Variants in NDUFA7 observed in about 807,000 individuals in gnomAD.
NDUFA7 encodes the protein NADH:ubiquinone oxidoreductase subunit A7.
Under a neutral mutation model 14.2 loss-of-function variants are expected in NDUFA7, and 18 were observed. That is an observed-to-expected ratio of 1.27 (90% CI 0.88 to 1.88). NDUFA7 has a LOEUF of 1.88. Ranked by LOEUF, NDUFA7 falls within the 40% of genes most tolerant of loss-of-function variation. The probability of loss-of-function intolerance (pLI) is 0.00; values close to 1 mark genes in which losing one functional copy is unlikely to be tolerated. For missense variants in NDUFA7, 172 were observed against 147.3 expected, an observed-to-expected ratio of 1.17 and a Z score of -0.87; for synonymous variants, 75 against 62.1, an observed-to-expected ratio of 1.21 and a Z score of -0.98.
chr19:8,311,523 C>T lies in NDUFA7; in HGVS notation c.324G>A (p.Ser108=), dbSNP rs200078460. 351 of 1,611,246 alleles carry T rather than the reference C, an allele frequency of 2.2e-4. 1 individual carries two copies. The highest frequency in any genetic ancestry group is 2.6e-4 in the Non-Finnish European group (305 of 1,178,648). The change falls in exon 4 of 4, where the codon TCG becomes TCA. Residue 108 remains serine (S), a synonymous_variant. Transcript: ENST00000301457. ...TGCAGTGTCACAGGTAAGGCTGGTC[C>T]GAGGACAGCTCCCACCTCTTTATGG... The part of the protein sequence containing the change: ...APPIKRWELS[S]DQPYL
chr19:8,313,868 C>T (rs1462716616), intron 3 of NDUFA7, among the ~76,000 whole-genome samples: 1 of 152,230 alleles, frequency 6.6e-6, no homozygotes, highest in Non-Finnish European at 1.5e-5. Context: ...CTGTGCCAGG[C>T]TCCAAGAGTT....
chr19:8,310,058 G>A (rs1970156739), downstream of NDUFA7, among the ~76,000 whole-genome samples: 1 of 152,198 alleles, frequency 6.6e-6, no homozygotes, highest in South Asian at 2.1e-4. Flanking sequence ...GCTGCAGGGT[G>A]ACCATGGTCA....
chr19:8,320,867 TCTC>T lies in NDUFA7; in HGVS notation c.88_90del (p.Glu30del), dbSNP rs1970296074. 3.7e-6 allele frequency: 6 copies of T among 1,613,458 alleles called. No individual in the cohort carries two copies. The highest frequency in any genetic ancestry group is 3.3e-5 in the South Asian group (3 of 91,062). ...GCGGGGCCTGCTCACCGCTTGGAGA[TCTC>T]CTGGTAGCGTAGCTGCAGCTTCCCC... is the stretch of plus-strand genomic sequence containing the variant. On this transcript the variant is annotated inframe_deletion, in exon 2 of 4. Coordinates refer to ENST00000301457, the MANE Select transcript of NDUFA7 (RefSeq NM_005001.5).
In NDUFA7 at chr19:8,316,664, A is replaced by G. The variant is rs1408239365; in HGVS notation, c.102-19T>C. The G allele has an allele frequency of 4.3e-6, 7 of 1,612,438 alleles. No homozygotes were observed. The highest frequency in any genetic ancestry group is 5.9e-6 in the Non-Finnish European group (7 of 1,178,764). On this transcript the variant is annotated intron_variant, in intron 2 of 3. Transcript: ENST00000301457. ...CTGAGTTCTGAGGGGAAAAAAGATG[A>G]GCACTGAAGCAAAGAGACAGTCACT...
At chr19:8,320,823 G>C (rs765794283) in intron 2 of NDUFA7, 34 bp downstream of exon 2, 48 of 1,613,222 alleles carry the variant, frequency 3.0e-5, no homozygotes, top group Non-Finnish European at 4.1e-5. Context: ...AAAGGACAGA[G>C]CCAGAGGCTG....
At position 8,311,448 on chromosome 19, in the gene NDUFA7, T is replaced by G. The variant is rs1970175307; in HGVS notation, c.*57A>C. Reference sequence around the variant, plus strand: ...GTATTTGTCATAAATTAGGTCACATTCTCCCTGGAGGAAATCCAAGGAGGC... The same window carrying G: ...GTATTTGTCATAAATTAGGTCACATGCTCCCTGGAGGAAATCCAAGGAGGC... On this transcript the variant is annotated 3_prime_UTR_variant, in exon 4 of 4. Coordinates refer to ENST00000301457, the MANE Select transcript of NDUFA7 (RefSeq NM_005001.5). The G allele has an allele frequency of 2.9e-6, 4 of 1,368,270 alleles. No homozygotes were observed. In the South Asian group the frequency reaches 5.1e-5, roughly 17 times the overall value. The allele number at this position is 1,368,270 out of a possible 1,614,324, so 84.8% of individuals were successfully genotyped here. A position where few individuals can be genotyped will look rare whatever the true frequency, so the allele number is the denominator to read the frequency against.
At chr19:8,315,559 G>A (rs967712220) in intron 3 of NDUFA7, among the ~76,000 whole-genome samples, 2 of 152,218 alleles carry the variant, frequency 1.3e-5, no homozygotes, top group African/African-American at 2.4e-5. Flanking sequence ...TTTTGTTCAC[G>A]TGTTTACCTG....
chr19:8,319,118 T>C (rs1458242574), intron 2 of NDUFA7, among the ~76,000 whole-genome samples: 1 of 143,290 alleles, frequency 7.0e-6, no homozygotes, highest in East Asian at 2.1e-4. Flanking sequence ...GGGTCGGGGG[T>C]TGGGGGGGAG....
intron 2 of NDUFA7, among the ~76,000 whole-genome samples, chr19:8,317,556 GGAGGA>G (rs1423161600): frequency 6.6e-6 from 1 of 152,114 alleles, no homozygotes; most frequent in East Asian, 1.9e-4. Context: ...CCAGAGAGAG[GGAGGA>G]GAGAAGACAG....
chr19:8,318,926 C>T (rs1227530789), intron 2 of NDUFA7, among the ~76,000 whole-genome samples: 1 of 148,700 alleles, frequency 6.7e-6, no homozygotes, highest in Non-Finnish European at 1.5e-5. Context: ...ATCTCAGATC[C>T]GCCACTGCAC....
At chr19:8,320,168 A>G (rs1970285205) in intron 2 of NDUFA7, among the ~76,000 whole-genome samples, 1 of 152,142 alleles carries the variant, frequency 6.6e-6, no homozygotes. Context: ...TGTTTTTTCA[A>G]TAATTATTCT....
At chr19:8,312,891 C>T (rs1342580751) in intron 3 of NDUFA7, among the ~76,000 whole-genome samples, 4 of 152,130 alleles carry the variant, frequency 2.6e-5, no homozygotes, top group African/African-American at 9.7e-5. Flanking sequence ...TCTTGAACTT[C>T]TGGGCTCAAG....
chr19:8,316,390 C>T, intron 3 of NDUFA7, 106 bp downstream of exon 3: 1 of 1,477,358 alleles, frequency 6.8e-7, no homozygotes, highest in Non-Finnish European at 9.1e-7. Flanking sequence ...GCAACTGATG[C>T]TTACTAAGTA....
chr19:8,311,006 A>G (rs1205944370), downstream of NDUFA7, among the ~76,000 whole-genome samples: 2 of 151,512 alleles, frequency 1.3e-5, no homozygotes, highest in African/African-American at 2.4e-5. Context: ...AAGCGCGAAA[A>G]CTCTGGCTCC....
At chr19:8,313,919 T>C (rs1350932482) in intron 3 of NDUFA7, among the ~76,000 whole-genome samples, 1 of 152,224 alleles carries the variant, frequency 6.6e-6, no homozygotes. Flanking sequence ...GTAACAGCTT[T>C]CTGAAGTAGA....
chr19:8,308,640 G>C, downstream of NDUFA7: 1 of 321,270 alleles, frequency 3.1e-6, no homozygotes, highest in Non-Finnish European at 5.7e-6. Flanking sequence ...CGCCCCTCAG[G>C]CACTCCGCAT....
intron 2 of NDUFA7, among the ~76,000 whole-genome samples, chr19:8,318,934 C>A (rs140234820): frequency 0.015 from 2,255 of 149,844 alleles, 58 homozygotes; most frequent in African/African-American, 0.054. Flanking sequence ...TCCGCCACTG[C>A]ACTCCAGCTT....
At chr19:8,321,205 G>C (rs1309022129) in intron 1 of NDUFA7, 103 bp downstream of exon 1, 2 of 1,342,010 alleles carry the variant, frequency 1.5e-6, no homozygotes, top group African/African-American at 1.5e-5. Context: ...GATTCGGGGA[G>C]AGCGAAGGGT....
rs564530644 is a variant in NDUFA7, at chr19:8,318,253, C to T, written c.102-1608G>A. Among the ~76,000 whole-genome samples the T allele has an allele frequency of 3.3e-5, 5 of 151,750 alleles. No homozygotes were observed. The South Asian group carries it at 6.2e-4, about 19-fold the overall frequency. On this transcript the variant is annotated intron_variant, in intron 2 of 3. Transcript: ENST00000301457. Reference sequence around the variant, plus strand: ...GCAACCTCCGCCTCCCAGGTTCAAGCGATTTTCCTGCATCAGCCTCCCAGG... The same window carrying T: ...GCAACCTCCGCCTCCCAGGTTCAAGTGATTTTCCTGCATCAGCCTCCCAGG...
Sources: allele counts gnomAD v4.1 joint callset (sites outside exome capture counted in the v4.1 genomes callset), GRCh38; gene constraint gnomAD v4.1.1; transcripts MANE v1.5; gene names NCBI Gene and HGNC (gene_info 2026-07-23, HGNC 2026-07-21).